Variants in ADAMTSL2 observed in about 807,000 individuals in gnomAD.
The protein encoded by ADAMTSL2 is ADAMTS like 2.
A neutral mutation model predicts 117.0 loss-of-function variants in ADAMTSL2; 55 were observed. That is an observed-to-expected ratio of 0.47 (90% CI 0.38 to 0.59). The LOEUF (loss-of-function observed/expected upper bound fraction) is 0.59, where lower values mean the gene tolerates loss of function less well. ADAMTSL2 is among the 20% of genes least tolerant of loss of function. The pLI is 0.00. For missense variants in ADAMTSL2, 1,182 were observed against 1,354.5 expected, an observed-to-expected ratio of 0.87 and a Z score of 2.00; for synonymous variants, 572 against 566.4, an observed-to-expected ratio of 1.01 and a Z score of -0.14.
chr9:133,549,948 C>T (rs542025741), intron 9 of ADAMTSL2, among the ~76,000 whole-genome samples: 1 of 152,328 alleles, frequency 6.6e-6, no homozygotes, highest in East Asian at 1.9e-4. Flanking sequence ...TACTGCCCCT[C>T]CTGCATCCCA....
At chr9:133,543,773 T>A (rs1432233696) in intron 7 of ADAMTSL2, among the ~76,000 whole-genome samples, 1 of 152,202 alleles carries the variant, frequency 6.6e-6, no homozygotes, top group East Asian at 1.9e-4. Context: ...TCTCTCCTTC[T>A]CCCCAGGCTC....
At chr9:133,559,500 C>G (rs1830680135) in intron 11 of ADAMTSL2, among the ~76,000 whole-genome samples, 1 of 149,660 alleles carries the variant, frequency 6.7e-6, no homozygotes, top group Non-Finnish European at 1.5e-5. Flanking sequence ...CCCGCCACCA[C>G]ACCCGGTGAA....
At chr9:133,566,182 A>G (rs1830968845) in intron 12 of ADAMTSL2, among the ~76,000 whole-genome samples, 1 of 152,190 alleles carries the variant, frequency 6.6e-6, no homozygotes, top group Non-Finnish European at 1.5e-5. Flanking sequence ...TGGCTCACGC[A>G]TGTAATCCCA....
At chr9:133,553,321 C>T (rs372429492) in intron 9 of ADAMTSL2, among the ~76,000 whole-genome samples, 28 of 152,222 alleles carry the variant, frequency 1.8e-4, no homozygotes, top group African/African-American at 6.0e-4. Context: ...GGGAAGAGCA[C>T]GCTCTCTGCT....
intron 7 of ADAMTSL2, among the ~76,000 whole-genome samples, chr9:133,541,263 C>T (rs2131102915): frequency 6.6e-6 from 1 of 151,616 alleles, no homozygotes; most frequent in Admixed American, 6.6e-5. Context: ...CCCTTTGAGA[C>T]AGCCTGCAGG....
rs1830208770 is a variant in ADAMTSL2, at chr9:133,540,968, A to G, written c.649A>G (p.Thr217Ala). 1.9e-6 allele frequency: 3 copies of G among 1,613,452 alleles called. No individual in the cohort carries two copies. Among genetic ancestry groups the G allele is most frequent in the Non-Finnish European group, 2.5e-6 (3 of 1,180,024 alleles). ...QGDGSSCTHV[T>A]GNYRKGNAHL... ...GGACGGTAGCAGCTGCACCCACGTGACGGGCAACTATCGCAAGGGGAATGC... is the reference window on the plus strand; with the variant it reads ...GGACGGTAGCAGCTGCACCCACGTGGCGGGCAACTATCGCAAGGGGAATGC... The change falls in exon 7 of 19, where the codon ACG becomes GCG. Residue 217 changes from threonine (T) to alanine (A), a missense_variant. Around this residue, in one of 3 missense-constraint regions of ADAMTSL2, gnomAD observed 372 missense variants for 463.4 expected, o/e 0.80. Coordinates refer to ENST00000651351, the MANE Select transcript of ADAMTSL2 (RefSeq NM_014694.4).
rs538610741 is a variant in ADAMTSL2 at position 133,575,093 on chromosome 9, G to A, written c.*229G>A. The A allele has an allele frequency of 1.2e-4, 71 of 575,206 alleles. No individual in the cohort carries two copies. Among genetic ancestry groups the A allele is most frequent in the African/African-American group, 8.6e-4 (46 of 53,430 alleles). The allele number at this position is 575,206 out of a possible 1,614,324, so 35.6% of individuals were successfully genotyped here. On this transcript the variant is annotated 3_prime_UTR_variant, in exon 19 of 19. Transcript: ENST00000651351. ...TCCCCCAGACAGAGCCACCCCTGCC[G>A]TGGGAACCTGTCCGTGTTCCTGCGT...
At chr9:133,542,380 G>A (rs1830245945) in intron 7 of ADAMTSL2, among the ~76,000 whole-genome samples, 1 of 152,166 alleles carries the variant, frequency 6.6e-6, no homozygotes, top group African/African-American at 2.4e-5. Context: ...TCACAAACCT[G>A]CTCACACGGC....
chr9:133,574,692 G>GC, intron 18 of ADAMTSL2, 54 bp from the exon 19 acceptor site: 1 of 1,526,428 alleles, frequency 6.6e-7, no homozygotes, highest in East Asian at 2.2e-5. Context: ...TGGGGTTTTC[G>GC]CCCCTTGGCC....
chr9:133,541,022 G>A, intron 7 of ADAMTSL2, 21 bp downstream of exon 7: 1 of 1,609,432 alleles, frequency 6.2e-7, no homozygotes, highest in Non-Finnish European at 8.5e-7. Flanking sequence ...GCGCGCCCTG[G>A]AGTCCAAGCA....
At chr9:133,561,940 G>A (rs994245785) in intron 12 of ADAMTSL2, among the ~76,000 whole-genome samples, 1 of 152,318 alleles carries the variant, frequency 6.6e-6, no homozygotes, top group East Asian at 1.9e-4. Flanking sequence ...GGGATGCCGC[G>A]AGGTCTGATG....
intron 9 of ADAMTSL2, among the ~76,000 whole-genome samples, chr9:133,553,458 C>T (rs1830533148): frequency 6.6e-6 from 1 of 152,220 alleles, no homozygotes; most frequent in South Asian, 2.1e-4. Context: ...TCCTTTACTT[C>T]CACAAACCTC....
chr9:133,558,052 C>T lies in ADAMTSL2; in HGVS notation c.1649+2122C>T, dbSNP rs1471136458. On this transcript the variant is annotated intron_variant, in intron 11 of 18. Transcript: ENST00000651351. This position sits in a 1 kb window ranked among gnomAD's most constrained non-coding sequence, Gnocchi z 4.3. ...GGCACAAGCTTACGGATCCTCAAGCCGCTTTGTAAAGAGTCTCTCCTGCCC... is the reference window on the plus strand; with the variant it reads ...GGCACAAGCTTACGGATCCTCAAGCTGCTTTGTAAAGAGTCTCTCCTGCCC... 6.6e-6 allele frequency among the ~76,000 whole-genome samples: 1 copy of T among 152,132 alleles called. No homozygotes were observed. Among genetic ancestry groups the T allele is most frequent in the East Asian group, 1.9e-4 (1 of 5,184 alleles).
chr9:133,574,855 C>T lies in ADAMTSL2; in HGVS notation c.2847C>T (p.Pro949=), dbSNP rs569229106. Residue 949 remains proline (P), a synonymous_variant, in exon 19 of 19, where the codon CCC becomes CCT. Transcript: ENST00000651351. ...SKACCRSCRP[P]HS ...CGTGCTGCCGCTCCTGCAGGCCCCCCCACTCCTAGGCCCGGCAGCTGCAGC... is the reference window on the plus strand; with the variant it reads ...CGTGCTGCCGCTCCTGCAGGCCCCCTCACTCCTAGGCCCGGCAGCTGCAGC... The T allele has an allele frequency of 1.6e-4, 258 of 1,602,728 alleles. 3 individuals carry two copies. In the South Asian group the frequency reaches 2.6e-3, roughly 16 times the overall value.
chr9:133,569,268 GT>G, intron 15 of ADAMTSL2, 139 bp from the exon 16 acceptor site: 1 of 764,754 alleles, frequency 1.3e-6, no homozygotes, highest in Non-Finnish European at 2.2e-6. Flanking sequence ...AATAGAAAAT[GT>G]TATTTAAAAA....
At chr9:133,534,946 C>T in intron 1 of ADAMTSL2, 29 bp downstream of exon 1, 3 of 1,370,732 alleles carry the variant, frequency 2.2e-6, no homozygotes, top group South Asian at 3.3e-5. Context: ...GTCCCCCTCA[C>T]GTTGCAGCGT....
upstream of ADAMTSL2, among the ~76,000 whole-genome samples, chr9:133,533,074 C>T (rs76887162): frequency 6.6e-6 from 1 of 152,072 alleles, no homozygotes; most frequent in Admixed American, 6.5e-5. Flanking sequence ...CGAGGCCTGG[C>T]GGTCACCAGA....
Position 133,561,180 on chromosome 9 carries a change from G to C in ADAMTSL2, c.1650-18G>C. On this transcript the variant is annotated intron_variant, in intron 11 of 18. Coordinates refer to ENST00000651351, the MANE Select transcript of ADAMTSL2 (RefSeq NM_014694.4). ...CCTGGAGCGTCTCATCACCTTCCCT[G>C]CTTGGTCTCGCTTTCAGGACCAGGC... 2 of 1,589,996 alleles carry C rather than the reference G, an allele frequency of 1.3e-6. No individual in the cohort carries two copies. The highest frequency in any genetic ancestry group is 1.7e-6 in the Non-Finnish European group (2 of 1,167,994).
At position 133,569,591 on chromosome 9, in the gene ADAMTSL2, G is replaced by GA. The variant is rs1831057431; in HGVS notation, c.2415+14dup. ...GGACTGGGAGCGGGTGAGTGCCCCAGAGCCCGCGGAAGGGCCTCCTGGTAT... is the reference window on the plus strand; with the variant it reads ...GGACTGGGAGCGGGTGAGTGCCCCAGAAGCCCGCGGAAGGGCCTCCTGGTAT... On this transcript the variant is annotated intron_variant, in intron 16 of 18. Coordinates refer to ENST00000651351, the MANE Select transcript of ADAMTSL2 (RefSeq NM_014694.4). The GA allele has an allele frequency of 5.8e-6, 9 of 1,557,518 alleles. No individual in the cohort carries two copies. The highest frequency in any genetic ancestry group is 7.8e-6 in the Non-Finnish European group (9 of 1,150,106).
Sources: allele counts gnomAD v4.1 joint callset (sites outside exome capture counted in the v4.1 genomes callset), GRCh38; gene constraint gnomAD v4.1.1; regional missense constraint gnomAD v4.1.1; non-coding constraint Gnocchi (gnomAD v3.1); transcripts MANE v1.5; gene names NCBI Gene and HGNC (gene_info 2026-07-23, HGNC 2026-07-21).